TRAPPC13: variants seen among roughly 807,000 people sequenced by gnomAD.
The protein encoded by TRAPPC13 is REV7-interacting novel NHEJ regulator 1.
Under a neutral mutation model 54.0 loss-of-function variants are expected in TRAPPC13, and 39 were observed. That is an observed-to-expected ratio of 0.72 (90% CI 0.56 to 0.94). The LOEUF (loss-of-function observed/expected upper bound fraction) is 0.94. Among genes scored for constraint, TRAPPC13 ranks in the 40% least tolerant of loss-of-function variants. The pLI, the probability that TRAPPC13 is intolerant of heterozygous loss-of-function variation, is 0.00. For missense variants in TRAPPC13, 386 were observed against 488.1 expected (o/e 0.79, Z 1.97); for synonymous variants, 148 against 167.7 (o/e 0.88, Z 0.91).
At chr5:65,661,671 C>T (rs1756857403) in intron 10 of TRAPPC13, 1 of 158,054 alleles carries the variant, frequency 6.3e-6, no homozygotes, top group African/African-American at 2.4e-5. Flanking sequence ...TGGCTCCTTT[C>T]AACATCATCC....
chr5:65,648,398 GTCC>G, intron 5 of TRAPPC13, among the ~76,000 whole-genome samples: 1 of 25,448 alleles, frequency 3.9e-5, no homozygotes, highest in Non-Finnish European at 1.1e-4. Flanking sequence ...TTGAGTGCCT[GTCC>G]CTGCCTTTCC....
At chr5:65,661,036 A>G (rs1756834270) in intron 10 of TRAPPC13, 139 bp downstream of exon 10, 1 of 646,898 alleles carries the variant, frequency 1.5e-6, no homozygotes, top group Non-Finnish European at 2.6e-6. Context: ...GAAAAGATTA[A>G]TAGTGTCACT....
intron 4 of TRAPPC13, among the ~76,000 whole-genome samples, chr5:65,642,472 G>A (rs1354771170): frequency 6.6e-6 from 1 of 151,866 alleles, no homozygotes; most frequent in Non-Finnish European, 1.5e-5. Context: ...TATCCCATAT[G>A]TTTCTATTCT....
At chr5:65,653,448 C>T (rs1237833472) in intron 7 of TRAPPC13, among the ~76,000 whole-genome samples, 1 of 152,052 alleles carries the variant, frequency 6.6e-6, no homozygotes, top group African/African-American at 2.4e-5. Context: ...TATACTATAA[C>T]TAGGATTTCT....
intron 1 of TRAPPC13, chr5:65,630,499 G>A: frequency 2.2e-6 from 3 of 1,341,218 alleles, no homozygotes; most frequent in Non-Finnish European, 2.9e-6. Context: ...CTTATTGGCA[G>A]CCTTCTTTTA....
chr5:65,654,369 A>G (rs1472990872), intron 7 of TRAPPC13, among the ~76,000 whole-genome samples: 1 of 152,202 alleles, frequency 6.6e-6, no homozygotes, highest in East Asian at 1.9e-4. Flanking sequence ...ATATGTTGAC[A>G]TAATCTTTAA....
Position 65,655,845 on chromosome 5 carries a change from A to G in TRAPPC13, c.564+192A>G, listed in dbSNP as rs114548691. Among the ~76,000 whole-genome samples the G allele has an allele frequency of 1.3e-3, 200 of 152,216 alleles. 2 individuals carry two copies. Among genetic ancestry groups the G allele is most frequent in the African/African-American group, 4.7e-3 (196 of 41,552 alleles). ...TATCAATTTTCTATTCCGTGGGGCA[A>G]AATTAGCTCAAAAGTTAAATTGTCA... is the stretch of plus-strand genomic sequence containing the variant. On this transcript the variant is annotated intron_variant, in intron 8 of 12. Transcript: ENST00000399438.
chr5:65,637,683 T>C lies in TRAPPC13; in HGVS notation c.216-13T>C. On this transcript the variant is annotated splice_polypyrimidine_tract_variant and intron_variant, in intron 3 of 12. Coordinates refer to ENST00000399438, the MANE Select transcript of TRAPPC13 (RefSeq NM_024941.4). The stretch of plus-strand genomic sequence containing the variant: ...GAATGGATTTCTGCCTAAATACTTA[T>C]TTTATTTTACAGGAATATATTTTTG... The C allele has an allele frequency of 1.4e-6, 2 of 1,465,774 alleles. No homozygotes were observed. Among genetic ancestry groups the C allele is most frequent in the Non-Finnish European group, 9.3e-7 (1 of 1,071,328 alleles). The allele number at this position is 1,465,774 out of a possible 1,614,324, so 90.8% of individuals were successfully genotyped here.
intron 5 of TRAPPC13, 53 bp downstream of exon 5, chr5:65,647,235 T>A: frequency 6.7e-7 from 1 of 1,492,084 alleles, no homozygotes; most frequent in East Asian, 2.4e-5. Flanking sequence ...TATGCCTTTG[T>A]TTGAAATTTT....
At chr5:65,634,917 T>G in intron 1 of TRAPPC13, 2 of 125,378 alleles carry the variant, frequency 1.6e-5, no homozygotes, top group Non-Finnish European at 2.1e-5. Context: ...CAAAAAACAC[T>G]TACTGAGTTT....
At chr5:65,652,712 T>C (rs763008654) in intron 7 of TRAPPC13, 167 bp downstream of exon 7, 2 of 677,554 alleles carry the variant, frequency 3.0e-6, no homozygotes, top group South Asian at 3.2e-5. Context: ...ATTATAGGTC[T>C]CATAATCTTT....
At chr5:65,645,797 C>G (rs547009106) in intron 4 of TRAPPC13, among the ~76,000 whole-genome samples, 7 of 152,272 alleles carry the variant, frequency 4.6e-5, no homozygotes, top group Admixed American at 4.6e-4. Context: ...GAGCAAGACT[C>G]TGTCTCAAAC....
At chr5:65,664,465 T>C (rs761008481) in intron 12 of TRAPPC13, 39 bp from the exon 13 acceptor site, 4 of 1,587,842 alleles carry the variant, frequency 2.5e-6, no homozygotes, top group Non-Finnish European at 3.4e-6. Flanking sequence ...TTCCTCTGAA[T>C]GAATGAAAAC....
At chr5:65,657,522 T>C (rs1387090979) in intron 8 of TRAPPC13, among the ~76,000 whole-genome samples, 1 of 152,216 alleles carries the variant, frequency 6.6e-6, no homozygotes, top group Non-Finnish European at 1.5e-5. Flanking sequence ...TGTAGGTTTG[T>C]TTCAAAGATA....
rs60169195 is a variant in TRAPPC13 at position 65,627,131 on chromosome 5, C to CAAAAAAAAAAAAAAA, written c.46+2037_46+2051dup. On this transcript the variant is annotated intron_variant, in intron 1 of 12. Transcript: ENST00000399438. ...TGGGTGACAGAGTGAGACCCTGTCTCAAAAAAAAAAAAAAAAAAAAAAAAA... is the reference window on the plus strand; with the variant it reads ...TGGGTGACAGAGTGAGACCCTGTCTCAAAAAAAAAAAAAAAAAAAAAAAAAAAAAAAAAAAAAAAA... Among the ~76,000 whole-genome samples the CAAAAAAAAAAAAAAA allele has an allele frequency of 3.4e-3, 111 of 32,560 alleles. 9 individuals carry two copies. Among genetic ancestry groups the CAAAAAAAAAAAAAAA allele is most frequent in the Non-Finnish European group, 4.6e-3 (72 of 15,520 alleles). The allele number at this position is 32,560 out of a possible 152,430, so 21.4% of individuals were successfully genotyped here. A position where few individuals can be genotyped will look rare whatever the true frequency, so the allele number is the denominator to read the frequency against.
rs1282092845 is a variant in TRAPPC13, at chr5:65,647,024, A to C, written c.301-31A>C. On this transcript the variant is annotated intron_variant, in intron 4 of 12. Transcript: ENST00000399438. ...CCTGTAGGTAACCAGTCTCATTTGG[A>C]CTTTTTTTTTTTTTTTAACTTTCTT... 3.2e-5 allele frequency: 48 copies of C among 1,486,598 alleles called. 1 individual carries two copies. The highest frequency in any genetic ancestry group is 2.7e-6 in the Non-Finnish European group (3 of 1,115,362). The allele number at this position is 1,486,598 out of a possible 1,614,324, so 92.1% of individuals were successfully genotyped here. A position where few individuals can be genotyped will look rare whatever the true frequency, so the allele number is the denominator to read the frequency against.
rs752328347 is a variant in TRAPPC13 at position 65,664,512 on chromosome 5, T to G, written c.1155T>G (p.Ser385=). The change falls in exon 13 of 13, where the codon TCT becomes TCG. Residue 385 remains serine (S), a synonymous_variant. Coordinates refer to ENST00000399438, the MANE Select transcript of TRAPPC13 (RefSeq NM_024941.4). ...TCTCTCTCTCTCAATAGAGCATCTC[T>G]GGCTTAAGACTAACAGACACATTCT... The part of the protein sequence containing the change: ...LSSVQGLQSI[S]GLRLTDTFLK... The G allele has an allele frequency of 3.1e-6, 5 of 1,609,736 alleles. No individual in the cohort carries two copies. In the East Asian group the frequency reaches 8.9e-5, roughly 29 times the overall value.
Position 65,665,206 on chromosome 5 carries a change from A to C in TRAPPC13, c.*595A>C, listed in dbSNP as rs1275201049. The C allele has an allele frequency of 6.6e-6, 1 of 152,374 alleles. No individual in the cohort carries two copies. Among genetic ancestry groups the C allele is most frequent in the Non-Finnish European group, 1.5e-5 (1 of 68,168 alleles). The allele number at this position is 152,374 out of a possible 1,614,324, so 9.4% of individuals were successfully genotyped here. A position where few individuals can be genotyped will look rare whatever the true frequency, so the allele number is the denominator to read the frequency against. ...GACTCTGTCTCAAAAAAAAAGAGGC[A>C]GCTGGGCAGATTTGGCCTGCAGGGT... On this transcript the variant is annotated 3_prime_UTR_variant, in exon 13 of 13. Coordinates refer to ENST00000399438, the MANE Select transcript of TRAPPC13 (RefSeq NM_024941.4).
In TRAPPC13 at chr5:65,635,358, A is replaced by T. The variant is rs1250293988; in HGVS notation, c.104A>T (p.Lys35Ile). 6.2e-7 allele frequency: 1 copy of T among 1,613,202 alleles called. No homozygotes were observed. Among genetic ancestry groups the T allele is most frequent in the African/African-American group, 1.3e-5 (1 of 74,922 alleles). The change falls in exon 2 of 13, where the codon AAA becomes ATA. Residue 35 changes from lysine (K) to isoleucine (I), a missense_variant. Transcript: ENST00000399438. ...AATATCCCAGTAACATGTGAAGAGA[A>T]AGACTTACCTGGTATGGCACATGCT... Reference protein sequence around the residue: ...FTNIPVTCEEKDLPGDLFNQL... With the variant: ...FTNIPVTCEEIDLPGDLFNQL...
Sources: allele counts gnomAD v4.1 joint callset (sites outside exome capture counted in the v4.1 genomes callset), GRCh38; gene constraint gnomAD v4.1.1; transcripts MANE v1.5; gene names NCBI Gene and HGNC (gene_info 2026-07-23, HGNC 2026-07-21).